CFAP97D2: variants seen among roughly 807,000 people sequenced by gnomAD.
CFAP97D2 encodes the protein CFAP97 domain containing 2.
At chr13:114,214,977 A>G (rs1005518770) in intron 4 of CFAP97D2, among the ~76,000 whole-genome samples, 3 of 152,208 alleles carry the variant, frequency 2.0e-5, no homozygotes, top group African/African-American at 7.2e-5. Flanking sequence ...TCGATATTCC[A>G]AGTGAAACTA....
rs1031635969 is a variant in CFAP97D2 at position 114,222,318 on chromosome 13, A to G, written c.481-180A>G. Among the ~76,000 whole-genome samples, 62 of 152,346 alleles carry G rather than the reference A, an allele frequency of 4.1e-4. No homozygotes were observed. Among genetic ancestry groups the G allele is most frequent in the East Asian group, 1.9e-4 (1 of 5,188 alleles). On this transcript the variant is annotated intron_variant, in intron 4 of 4. Coordinates refer to ENST00000646158, the Ensembl canonical transcript of CFAP97D2. The surrounding 1 kb of genome is among the most constrained non-coding windows in gnomAD (Gnocchi z 4.4). ...TCTGAATATACCAAAACACACTAAA[A>G]TATACACTATAAAGGGGTATAGAAT...
At chr13:114,183,088 G>A (rs997354599) in intron 1 of CFAP97D2, among the ~76,000 whole-genome samples, 2 of 152,140 alleles carry the variant, frequency 1.3e-5, no homozygotes, top group Non-Finnish European at 2.9e-5. Context: ...AAGAATCCCT[G>A]AGCTTTAGGA....
chr13:114,208,956 C>G, intron 3 of CFAP97D2, among the ~76,000 whole-genome samples: 1 of 152,184 alleles, frequency 6.6e-6, no homozygotes, highest in East Asian at 1.9e-4. Context: ...AGCCTCATCC[C>G]TCAGAGAATT....
chr13:114,201,885 C>T (rs2080919391), intron 3 of CFAP97D2, among the ~76,000 whole-genome samples: 1 of 152,182 alleles, frequency 6.6e-6, no homozygotes, highest in South Asian at 2.1e-4. Flanking sequence ...TGTCTTTATT[C>T]AGATGTGATT....
intron 4 of CFAP97D2, among the ~76,000 whole-genome samples, chr13:114,221,990 G>A (rs537537771): frequency 4.6e-4 from 70 of 152,308 alleles, no homozygotes; most frequent in Middle Eastern, 3.4e-3. Context: ...CAGATAAAAC[G>A]TGGTATAGCC....
At chr13:114,214,301 G>A (rs979501425) in intron 4 of CFAP97D2, 9 of 152,170 alleles carry the variant, frequency 5.9e-5, no homozygotes, top group Non-Finnish European at 7.3e-5. Flanking sequence ...GTGCAAAGAC[G>A]CATGACTGTT....
rs1201449383 is a variant in CFAP97D2, at chr13:114,186,297, A to G, written c.90+6877A>G. 6.6e-6 allele frequency among the ~76,000 whole-genome samples: 1 copy of G among 152,170 alleles called. No individual in the cohort carries two copies. The highest frequency in any genetic ancestry group is 1.5e-5 in the Non-Finnish European group (1 of 68,024). On this transcript the variant is annotated intron_variant, in intron 1 of 4. Transcript: ENST00000646158. The surrounding 1 kb of genome is among the most constrained non-coding windows in gnomAD (Gnocchi z 4.3). ...CAGGGAGGAGCTACCCTCTCTACTG[A>G]GAGCTGAACACTTGTCAGGATACCG... is the stretch of plus-strand genomic sequence containing the variant.
chr13:114,219,271 G>A (rs1216293034), intron 4 of CFAP97D2, among the ~76,000 whole-genome samples: 7 of 152,096 alleles, frequency 4.6e-5, no homozygotes, highest in Non-Finnish European at 8.8e-5. Context: ...AGTCCCAGAG[G>A]CTTTCCCCGC....
intron 3 of CFAP97D2, among the ~76,000 whole-genome samples, chr13:114,210,855 T>TACACACACACAC (rs34230424): frequency 0.012 from 1,676 of 144,938 alleles, 28 homozygotes; most frequent in African/African-American, 0.033. Context: ...ATTTCATTGA[T>TACACACACACAC]ACACACACAC....
At chr13:114,212,795 T>C (rs1172522252) in intron 4 of CFAP97D2, among the ~76,000 whole-genome samples, 3 of 152,108 alleles carry the variant, frequency 2.0e-5, no homozygotes, top group African/African-American at 7.2e-5. Context: ...GAGGTTGCAG[T>C]GAGCCGAGAT....
At chr13:114,182,356 T>A (rs923419223) in intron 1 of CFAP97D2, among the ~76,000 whole-genome samples, 2 of 152,168 alleles carry the variant, frequency 1.3e-5, no homozygotes, top group Non-Finnish European at 2.9e-5. Flanking sequence ...TATCTCAGAA[T>A]TGAACAAATG....
At chr13:114,206,713 A>C (rs1246242171) in intron 3 of CFAP97D2, among the ~76,000 whole-genome samples, 3 of 152,208 alleles carry the variant, frequency 2.0e-5, no homozygotes, top group African/African-American at 7.2e-5. Flanking sequence ...GGAAGTGATG[A>C]AAATCTTCTC....
At chr13:114,191,872 C>A (rs1254460541) in intron 1 of CFAP97D2, among the ~76,000 whole-genome samples, 1 of 152,028 alleles carries the variant, frequency 6.6e-6, no homozygotes, top group African/African-American at 2.4e-5. Flanking sequence ...ACGGTACACC[C>A]AGACAATGGA....
At chr13:114,182,458 T>A (rs545774416) in intron 1 of CFAP97D2, among the ~76,000 whole-genome samples, 6 of 151,928 alleles carry the variant, frequency 3.9e-5, no homozygotes, top group Non-Finnish European at 5.9e-5. Flanking sequence ...GGCCTTCCTC[T>A]TTTACTAATC....
Position 114,186,038 on chromosome 13 carries a change from G to C in CFAP97D2, c.90+6618G>C, listed in dbSNP as rs1031517062. On this transcript the variant is annotated intron_variant, in intron 1 of 4. Coordinates refer to ENST00000646158, the Ensembl canonical transcript of CFAP97D2. This position sits in a 1 kb window ranked among gnomAD's most constrained non-coding sequence, Gnocchi z 4.3. ...CCTGGGTCTGCCCATGGCCACCCAT[G>C]GACCAATCAGCATGCACTTCCTCCA... 2.0e-5 allele frequency among the ~76,000 whole-genome samples: 3 copies of C among 152,212 alleles called. No individual in the cohort carries two copies. The highest frequency in any genetic ancestry group is 7.2e-5 in the African/African-American group (3 of 41,446).
At chr13:114,196,503 A>G (rs895834701) in intron 2 of CFAP97D2, 27 bp downstream of exon 2, 17 of 398,922 alleles carry the variant, frequency 4.3e-5, no homozygotes, top group African/African-American at 3.3e-4. Context: ...ACCTTACTTA[A>G]TGTAATAGCT....
intron 4 of CFAP97D2, chr13:114,214,325 C>A (rs1489152319): frequency 3.3e-5 from 5 of 152,220 alleles, no homozygotes; most frequent in African/African-American, 1.2e-4. Context: ...CAGCTACTAA[C>A]TCTGAAGGCA....
In CFAP97D2 at chr13:114,179,389, G is replaced by C. The variant is rs2080824801; in HGVS notation, c.59G>C (p.Arg20Thr). The C allele has an allele frequency of 2.5e-6, 1 of 398,514 alleles. No individual in the cohort carries two copies. The highest frequency in any genetic ancestry group is 2.1e-5 in the African/African-American group (1 of 48,622). 24.7% of individuals were successfully genotyped at this position (398,514 alleles called of 1,614,324 possible). The stretch of plus-strand genomic sequence containing the variant: ...GCCAGTGAGTACCTGTGGCATGCAA[G>C]GGAGAAAGCCTATCAGGACCACAGG... The change falls in exon 1 of 5, where the codon AGG becomes ACG. Residue 20 changes from arginine to threonine, a missense_variant. Arg to Thr is a moderately conservative substitution (Grantham distance 71). Transcript: ENST00000646158. This position sits in a 1 kb window ranked among gnomAD's most constrained non-coding sequence, Gnocchi z 4.8.
rs1336386693 is a variant in CFAP97D2, at chr13:114,185,992, A to G, written c.90+6572A>G. 6.6e-6 allele frequency among the ~76,000 whole-genome samples: 1 copy of G among 152,208 alleles called. No individual in the cohort carries two copies. Among genetic ancestry groups the G allele is most frequent in the East Asian group, 1.9e-4 (1 of 5,200 alleles). On this transcript the variant is annotated intron_variant, in intron 1 of 4. Transcript: ENST00000646158. The surrounding 1 kb of genome is among the most constrained non-coding windows in gnomAD (Gnocchi z 5.2). ...CAGCTGCCTGTCCTGCAAGCCAGAG[A>G]GGGAACTTGTGGTGCTTTTCCCTGG...
Sources: allele counts gnomAD v4.1 joint callset (sites outside exome capture counted in the v4.1 genomes callset), GRCh38; gene constraint gnomAD v4.1.1; non-coding constraint Gnocchi (gnomAD v3.1); transcripts MANE v1.5; gene names NCBI Gene and HGNC (gene_info 2026-07-23, HGNC 2026-07-21).